TAFA2: variants seen among roughly 807,000 people sequenced by gnomAD.
TAFA2 encodes the protein TAFA chemokine like family member 2, also known as chemokine-like protein TAFA-2.
TAFA2 carries 7 observed loss-of-function variants against 18.8 expected under a neutral mutation model. The observed-to-expected ratio is 0.37, with a 90% CI of 0.21 to 0.70. The LOEUF is 0.70. TAFA2 is among the 30% of genes least tolerant of loss of function. The pLI, the probability that TAFA2 is intolerant of heterozygous loss-of-function variation, is 0.53. For missense variants in TAFA2, 122 were observed against 158.1 expected (o/e 0.77, Z 1.23); for synonymous variants, 60 against 54.2 (o/e 1.11, Z -0.47).
chr12:61,727,797 A>T (rs1300486710), intron 4 of TAFA2, among the ~76,000 whole-genome samples: 1 of 151,736 alleles, frequency 6.6e-6, no homozygotes, highest in Non-Finnish European at 1.5e-5. Flanking sequence ...TTATGGTGTG[A>T]CCTTAGATTG....
intron 1 of TAFA2, among the ~76,000 whole-genome samples, chr12:62,187,840 T>G (rs2136958109): frequency 6.6e-6 from 1 of 152,304 alleles, no homozygotes; most frequent in South Asian, 2.1e-4. Flanking sequence ...AGTAAAACTG[T>G]TTTCTAAAGA....
At chr12:62,059,040 T>C (rs915110619) in intron 1 of TAFA2, among the ~76,000 whole-genome samples, 2 of 151,824 alleles carry the variant, frequency 1.3e-5, no homozygotes, top group East Asian at 1.9e-4. Context: ...GAGGCGGAGC[T>C]TGCAGTGAGC....
chr12:62,160,272 A>G (rs946829335), intron 1 of TAFA2, among the ~76,000 whole-genome samples: 31 of 152,336 alleles, frequency 2.0e-4, no homozygotes, highest in African/African-American at 7.5e-4. Flanking sequence ...GAAAAATCCA[A>G]TGTGTCTATG....
chr12:61,824,341 C>T (rs1422337784), intron 2 of TAFA2, among the ~76,000 whole-genome samples: 1 of 152,134 alleles, frequency 6.6e-6, no homozygotes, highest in Non-Finnish European at 1.5e-5. Flanking sequence ...CCACAGAAAC[C>T]ATGAGATAAT....
chr12:61,785,504 G>C (rs1870699405), intron 2 of TAFA2, among the ~76,000 whole-genome samples: 1 of 151,408 alleles, frequency 6.6e-6, no homozygotes, highest in South Asian at 2.1e-4. Flanking sequence ...TTGTACTAGA[G>C]GGTAGTTTTT....
chr12:62,035,387 T>C (rs531642588), intron 1 of TAFA2, among the ~76,000 whole-genome samples: 2 of 152,230 alleles, frequency 1.3e-5, no homozygotes, highest in African/African-American at 2.4e-5. Flanking sequence ...CAGGAATACA[T>C]AGCGCTCTAA....
At chr12:61,773,883 A>G (rs1301363014) in intron 2 of TAFA2, among the ~76,000 whole-genome samples, 2 of 152,112 alleles carry the variant, frequency 1.3e-5, no homozygotes, top group African/African-American at 2.4e-5. Flanking sequence ...GCTTCTGTAC[A>G]GCAAAAGTAA....
intron 1 of TAFA2, among the ~76,000 whole-genome samples, chr12:61,909,545 G>C (rs1040474903): frequency 2.0e-5 from 3 of 152,148 alleles, no homozygotes; most frequent in Non-Finnish European, 4.4e-5. Flanking sequence ...AGGAAAAGAT[G>C]CCTACCAAAG....
At position 62,150,939 on chromosome 12, in the gene TAFA2, G is replaced by A. The variant is rs1226897640; in HGVS notation, c.-2+40320C>T. 5.9e-5 allele frequency among the ~76,000 whole-genome samples: 9 copies of A among 151,470 alleles called. No homozygotes were observed. The East Asian group carries it at 1.4e-3, about 23-fold the overall frequency. The stretch of plus-strand genomic sequence containing the variant: ...TCATAAGCACTTATCAATGGATGGG[G>A]CTGGGTTACCCATTCCTAGACTGAA... On this transcript the variant is annotated intron_variant, in intron 1 of 4. Coordinates refer to ENST00000416284, the MANE Select transcript of TAFA2 (RefSeq NM_178539.5).
intron 1 of TAFA2, among the ~76,000 whole-genome samples, chr12:62,141,422 A>C (rs2062238401): frequency 6.6e-6 from 1 of 152,162 alleles, no homozygotes; most frequent in Non-Finnish European, 1.5e-5. Context: ...CAGGCTCTCC[A>C]AAGAGGTGCA....
chr12:61,875,319 T>C (rs1162762653), intron 1 of TAFA2, among the ~76,000 whole-genome samples: 1 of 152,088 alleles, frequency 6.6e-6, no homozygotes, highest in Non-Finnish European at 1.5e-5. Flanking sequence ...ACTACTTTCT[T>C]TCTCTGCATT....
At chr12:62,126,456 A>G (rs1870463769) in intron 1 of TAFA2, among the ~76,000 whole-genome samples, 1 of 152,108 alleles carries the variant, frequency 6.6e-6, no homozygotes, top group Admixed American at 6.6e-5. Flanking sequence ...GTCTCTTTCC[A>G]GGGCAGAAGG....
chr12:62,125,237 T>A (rs796918066), intron 1 of TAFA2, among the ~76,000 whole-genome samples: 14 of 152,182 alleles, frequency 9.2e-5, no homozygotes, highest in African/African-American at 3.1e-4. Flanking sequence ...CCTTCCCCTC[T>A]GGAGTCCTCA....
chr12:61,742,451 G>A (rs1292463456), intron 4 of TAFA2, among the ~76,000 whole-genome samples: 1 of 152,008 alleles, frequency 6.6e-6, no homozygotes, highest in East Asian at 1.9e-4. Context: ...GAAAGCCCTG[G>A]ATCCCTGGAA....
intron 2 of TAFA2, among the ~76,000 whole-genome samples, chr12:61,859,657 T>C (rs1220460260): frequency 6.6e-6 from 1 of 152,150 alleles, no homozygotes; most frequent in Non-Finnish European, 1.5e-5. Flanking sequence ...TTGGCCAGGC[T>C]GGTCTCAAAC....
At chr12:62,029,040 T>G (rs989504377) in intron 1 of TAFA2, among the ~76,000 whole-genome samples, 1 of 152,184 alleles carries the variant, frequency 6.6e-6, no homozygotes, top group African/African-American at 2.4e-5. Flanking sequence ...ATAAAGAGAT[T>G]TTTTAACTGA....
At chr12:61,712,327 T>C (rs76551284) in intron 4 of TAFA2, among the ~76,000 whole-genome samples, 2,320 of 152,268 alleles carry the variant, frequency 0.015, 57 homozygotes, top group East Asian at 0.12. Context: ...ACTCTACTAG[T>C]TTATATAAAG....
chr12:62,074,546 T>C (rs1372393165), intron 1 of TAFA2, among the ~76,000 whole-genome samples: 1 of 152,158 alleles, frequency 6.6e-6, no homozygotes, highest in Non-Finnish European at 1.5e-5. Flanking sequence ...TCCATAGCTA[T>C]AAAATGCCAT....
intron 1 of TAFA2, among the ~76,000 whole-genome samples, chr12:62,036,414 A>AGG (rs1214960570): frequency 6.6e-6 from 1 of 152,230 alleles, no homozygotes; most frequent in Non-Finnish European, 1.5e-5. Context: ...AAGAGAAAGC[A>AGG]GGTTGGTAGG....
Sources: allele counts gnomAD v4.1 joint callset (sites outside exome capture counted in the v4.1 genomes callset), GRCh38; gene constraint gnomAD v4.1.1; transcripts MANE v1.5; gene names NCBI Gene and HGNC (gene_info 2026-07-23, HGNC 2026-07-21).